MN1: variants seen among roughly 807,000 people sequenced by gnomAD.
MN1 encodes MN1 proto-oncogene, transcriptional regulator.
Under a neutral mutation model 86.9 loss-of-function variants are expected in MN1, and 19 were observed. The ratio of observed to expected loss-of-function variants is 0.22; its 90% CI spans 0.15 to 0.32. The LOEUF (loss-of-function observed/expected upper bound fraction) is 0.32, where lower values mean the gene tolerates loss of function less well. Ranked by LOEUF, MN1 falls within the 10% of genes least tolerant of loss-of-function variation. MN1 has a pLI of 1.00. For missense variants in MN1, 1,841 were observed against 1,862.0 expected (o/e 0.99, Z 0.21); for synonymous variants, 928 against 849.6 (o/e 1.09, Z -1.60).
intron 1 of MN1, among the ~76,000 whole-genome samples, chr22:27,770,270 G>A (rs1041096836): frequency 1.3e-5 from 2 of 152,244 alleles, no homozygotes; most frequent in Admixed American, 6.5e-5. Context: ...GGATGATGGA[G>A]AGAGATTCTT....
chr22:27,757,794 A>C (rs1443026912), intron 1 of MN1, among the ~76,000 whole-genome samples: 1 of 151,646 alleles, frequency 6.6e-6, no homozygotes, highest in African/African-American at 2.4e-5. Flanking sequence ...CCACACACTT[A>C]TCTGTGACCC....
At chr22:27,773,603 CAA>C (rs1932939946) in intron 1 of MN1, among the ~76,000 whole-genome samples, 2 of 152,314 alleles carry the variant, frequency 1.3e-5, no homozygotes, top group Non-Finnish European at 2.9e-5. Context: ...GGCCATACAA[CAA>C]GAGAGGATGC....
At chr22:27,771,163 A>G (rs1031015405) in intron 1 of MN1, among the ~76,000 whole-genome samples, 4 of 151,824 alleles carry the variant, frequency 2.6e-5, no homozygotes, top group African/African-American at 9.7e-5. Flanking sequence ...TGGAGGGTTA[A>G]AAAAAACTCT....
At chr22:27,796,531 G>A (rs1054497709) in intron 1 of MN1, among the ~76,000 whole-genome samples, 16 of 149,910 alleles carry the variant, frequency 1.1e-4, no homozygotes, top group African/African-American at 3.9e-4. Context: ...GCCACCCTGT[G>A]GCACTAGAAT....
At chr22:27,786,372 C>T (rs1005923773) in intron 1 of MN1, among the ~76,000 whole-genome samples, 1 of 152,152 alleles carries the variant, frequency 6.6e-6, no homozygotes, top group Non-Finnish European at 1.5e-5. Context: ...GCTTCCGAGA[C>T]TTATGCATAC....
chr22:27,799,611 A>G lies in MN1; in HGVS notation c.933T>C (p.Gly311=). Residue 311 remains glycine (G), a synonymous_variant, in exon 1 of 2, where the codon GGT becomes GGC. Transcript: ENST00000302326. ...CCCCACTGAACCTCTCAAAGAACACACCATGCTGCTGCTGCTGCTGCTGGG... is the reference window on the plus strand; with the variant it reads ...CCCCACTGAACCTCTCAAAGAACACGCCATGCTGCTGCTGCTGCTGCTGGG... ...QQPQQQQQQH[G]VFFERFSGAR... is the part of the protein sequence containing the mutation. The G allele has an allele frequency of 6.5e-7, 1 of 1,540,950 alleles. No individual in the cohort carries two copies. Among genetic ancestry groups the G allele is most frequent in the Admixed American group, 2.0e-5 (1 of 50,288 alleles).
rs997075008 is a variant in MN1, at chr22:27,799,451, G to A, written c.1093C>T (p.Pro365Ser). Residue 365 changes from proline (P) to serine (S), a missense_variant, in exon 1 of 2, where the codon CCC becomes TCC. By Grantham distance (74) the Pro-to-Ser change is moderately conservative (BLOSUM62 -1). Coordinates refer to ENST00000302326, the MANE Select transcript of MN1 (RefSeq NM_002430.3). ...QPPQQQPPPP[P>S]GLLVRQNSCP... ...GAATTTTGTCGGACTAGAAGCCCGG[G>A]TGGCGGCGGCGGCTGCTGCTGTGGC... 9.6e-6 allele frequency: 14 copies of A among 1,461,816 alleles called. No individual in the cohort carries two copies. Among genetic ancestry groups the A allele is most frequent in the South Asian group, 1.4e-5 (1 of 69,496 alleles). The allele number at this position is 1,461,816 out of a possible 1,614,324, so 90.6% of individuals were successfully genotyped here.
intron 1 of MN1, among the ~76,000 whole-genome samples, chr22:27,762,339 G>C (rs1932840469): frequency 6.6e-6 from 1 of 152,150 alleles, no homozygotes; most frequent in African/African-American, 2.4e-5. Context: ...ATGAAATGGG[G>C]ATGGAGACAG....
intron 1 of MN1, among the ~76,000 whole-genome samples, 193 bp from the exon 2 acceptor site, chr22:27,751,289 G>C (rs1237456668): frequency 6.6e-6 from 1 of 152,130 alleles, no homozygotes; most frequent in Middle Eastern, 3.2e-3. Context: ...TCATCTGTGA[G>C]ATCTCAGCCA....
At chr22:27,773,641 C>T (rs1357258029) in intron 1 of MN1, among the ~76,000 whole-genome samples, 1 of 152,222 alleles carries the variant, frequency 6.6e-6, no homozygotes, top group Non-Finnish European at 1.5e-5. Flanking sequence ...AGGCCCCAAA[C>T]ATCATCTTGG....
intron 1 of MN1, among the ~76,000 whole-genome samples, chr22:27,768,521 C>A (rs1045504272): frequency 3.3e-5 from 5 of 152,210 alleles, no homozygotes; most frequent in Non-Finnish European, 7.3e-5. Flanking sequence ...AGACTTTATG[C>A]ACACTGGGGT....
Position 27,797,922 on chromosome 22 carries a change from C to T in MN1, c.2622G>A (p.Pro874=), listed in dbSNP as rs368300884. The T allele has an allele frequency of 6.2e-7, 1 of 1,600,642 alleles. No homozygotes were observed. The highest frequency in any genetic ancestry group is 8.5e-7 in the Non-Finnish European group (1 of 1,173,182). The change falls in exon 1 of 2, where the codon CCG becomes CCA. Residue 874 remains proline (P), a synonymous_variant. Coordinates refer to ENST00000302326, the MANE Select transcript of MN1 (RefSeq NM_002430.3). Reference sequence around the variant, plus strand: ...TCCCTCCTGGGAAGTAATCCGAGCCCGGGTTGCCGGCCACTGCCGCGCCGT... The same window carrying T: ...TCCCTCCTGGGAAGTAATCCGAGCCTGGGTTGCCGGCCACTGCCGCGCCGT... ...ETDGAAVAGN[P]GSDYFPGGTA...
At chr22:27,784,168 C>T (rs1425939824) in intron 1 of MN1, among the ~76,000 whole-genome samples, 1 of 152,164 alleles carries the variant, frequency 6.6e-6, no homozygotes, top group Non-Finnish European at 1.5e-5. Flanking sequence ...CCCCTGCAGT[C>T]ATACAGAAGC....
At chr22:27,760,323 C>G (rs1000651796) in intron 1 of MN1, among the ~76,000 whole-genome samples, 7 of 151,806 alleles carry the variant, frequency 4.6e-5, no homozygotes, top group Non-Finnish European at 1.0e-4. Flanking sequence ...CCAGCCTGGG[C>G]CACAGAGCAA....
intron 1 of MN1, among the ~76,000 whole-genome samples, chr22:27,790,522 C>G (rs575908619): frequency 6.6e-6 from 1 of 152,200 alleles, no homozygotes; most frequent in Non-Finnish European, 1.5e-5. Context: ...TGTGGCTGAG[C>G]TGTTCTGCAT....
intron 1 of MN1, among the ~76,000 whole-genome samples, chr22:27,753,419 C>A (rs1285885128): frequency 1.3e-5 from 2 of 152,178 alleles, no homozygotes; most frequent in African/African-American, 4.8e-5. Flanking sequence ...GATGTCATCT[C>A]CCCTGGGGCC....
At position 27,799,483 on chromosome 22, in the gene MN1, TGCGGGGGCTGCTGCTGAGGGGGTG is replaced by T; in HGVS notation, c.1037_1060del (p.Pro346_Pro353del). 6.9e-7 allele frequency: 1 copy of T among 1,453,014 alleles called. No individual in the cohort carries two copies. Among genetic ancestry groups the T allele is most frequent in the Non-Finnish European group, 9.1e-7 (1 of 1,103,988 alleles). The allele number at this position is 1,453,014 out of a possible 1,614,324, so 90.0% of individuals were successfully genotyped here. A position where few individuals can be genotyped will look rare whatever the true frequency, so the allele number is the denominator to read the frequency against. The stretch of plus-strand genomic sequence containing the variant: ...CGGCGGCTGCTGCTGTGGCGGCTGC[TGCGGGGGCTGCTGCTGAGGGGGTG>T]GCGGGGCCTGCTGGGGAGGCTGCAT... On this transcript the variant is annotated inframe_deletion, in exon 1 of 2. Transcript: ENST00000302326.
At chr22:27,764,859 C>A (rs1055887982) in intron 1 of MN1, among the ~76,000 whole-genome samples, 1 of 152,196 alleles carries the variant, frequency 6.6e-6, no homozygotes, top group Non-Finnish European at 1.5e-5. Flanking sequence ...AAAGACGCTG[C>A]TAGGGTCAGC....
intron 1 of MN1, among the ~76,000 whole-genome samples, chr22:27,757,337 C>T (rs557203655): frequency 6.6e-6 from 1 of 152,330 alleles, no homozygotes; most frequent in Admixed American, 6.5e-5. Context: ...ACCCGGCGCA[C>T]TCTTACTGTT....
Sources: gnomAD v4.1 joint callset for allele counts (sites outside exome capture counted in the v4.1 genomes callset) on GRCh38, gnomAD v4.1.1 for gene constraint, MANE v1.5 for transcripts, NCBI Gene and HGNC (gene_info 2026-07-23, HGNC 2026-07-21) for gene names.